Variants in ERG observed in about 807,000 individuals in gnomAD.
ERG encodes the protein transcriptional regulator ERG.
In ERG, 9 loss-of-function variants were observed where a neutral mutation model predicts 55.3. That is an observed-to-expected ratio of 0.16 (90% confidence interval 0.10 to 0.28). The LOEUF is 0.28. Among genes scored for constraint, ERG ranks in the 10% least tolerant of loss-of-function variants. The probability of loss-of-function intolerance (pLI) is 1.00; values close to 1 mark genes in which losing one functional copy is unlikely to be tolerated. For missense variants in ERG, 434 were observed against 631.6 expected (o/e 0.69, Z 3.35); for synonymous variants, 223 against 237.3 (o/e 0.94, Z 0.55).
chr21:38,453,678 T>C (rs531834454), intron 1 of ERG, among the ~76,000 whole-genome samples: 40 of 151,934 alleles, frequency 2.6e-4, no homozygotes, highest in South Asian at 1.0e-3. Flanking sequence ...AGGTCAGGAG[T>C]TGGAGAGCAG....
chr21:38,582,744 T>C (rs2060037882), intron 1 of ERG, among the ~76,000 whole-genome samples: 1 of 152,136 alleles, frequency 6.6e-6, no homozygotes, highest in African/African-American at 2.4e-5. Context: ...CTGTATAAAA[T>C]GTTGCAACTT....
At chr21:38,572,384 AAAG>A (rs2059964415) in intron 2 of ERG, among the ~76,000 whole-genome samples, 1 of 151,018 alleles carries the variant, frequency 6.6e-6, no homozygotes. Flanking sequence ...AAAAAAAAAA[AAAG>A]AACTTCCTTC....
intron 2 of ERG, among the ~76,000 whole-genome samples, chr21:38,523,248 T>A (rs2059607392): frequency 6.6e-6 from 1 of 152,224 alleles, no homozygotes; most frequent in Non-Finnish European, 1.5e-5. Context: ...GTTTTCTAAG[T>A]AGCCCCTGCC....
upstream of ERG, among the ~76,000 whole-genome samples, chr21:38,499,576 G>A (rs1027001301): frequency 4.6e-5 from 7 of 152,050 alleles, no homozygotes; most frequent in African/African-American, 1.7e-4. Context: ...TTGCAGAGCT[G>A]GACGTTCAGT....
chr21:38,516,101 C>T (rs899978037), intron 2 of ERG, among the ~76,000 whole-genome samples: 1 of 151,970 alleles, frequency 6.6e-6, no homozygotes, highest in Non-Finnish European at 1.5e-5. Flanking sequence ...TTTATCACTT[C>T]TATTCAATAT....
At chr21:38,411,542 A>T (rs909492798) in intron 3 of ERG, among the ~76,000 whole-genome samples, 1 of 152,154 alleles carries the variant, frequency 6.6e-6, no homozygotes, top group African/African-American at 2.4e-5. Context: ...TCCTGACCTT[A>T]GGTGATCCAC....
chr21:38,520,699 G>T (rs569217658), intron 2 of ERG, among the ~76,000 whole-genome samples: 1 of 152,294 alleles, frequency 6.6e-6, no homozygotes, highest in African/African-American at 2.4e-5. Context: ...GTTTCTGCAG[G>T]AAGACCTATC....
At chr21:38,598,790 A>T (rs2060146513) in intron 1 of ERG, among the ~76,000 whole-genome samples, 2 of 152,234 alleles carry the variant, frequency 1.3e-5, no homozygotes, top group South Asian at 4.1e-4. Flanking sequence ...TGGTTTCTGC[A>T]CAGTATAAAT....
intron 2 of ERG, among the ~76,000 whole-genome samples, chr21:38,427,489 C>T (rs1011826416): frequency 2.0e-5 from 3 of 152,174 alleles, no homozygotes; most frequent in African/African-American, 7.2e-5. Context: ...GCATTGTCTC[C>T]ACTTTCCAGA....
At position 38,592,571 on chromosome 21, in the gene ERG, C is replaced by CTGTGTGTG. The variant is rs56195027; in HGVS notation, c.-149-7634_-149-7627dup. ...GGCTGCTTATTGTCATCTCCCTTCACTGTGTGTGTGTGTGTGTGTGTGTGT... is the reference window on the plus strand; with the variant it reads ...GGCTGCTTATTGTCATCTCCCTTCACTGTGTGTGTGTGTGTGTGTGTGTGTGTGTGTGT... On this transcript the variant is annotated intron_variant, in intron 1 of 10. Transcript: ENST00000398910. Among the ~76,000 whole-genome samples, 1,151 of 148,080 alleles carry CTGTGTGTG rather than the reference C, an allele frequency of 7.8e-3. 5 individuals carry two copies. Among genetic ancestry groups the CTGTGTGTG allele is most frequent in the Non-Finnish European group, 0.01 (702 of 67,098 alleles).
At chr21:38,615,062 C>A (rs538611975) in intron 1 of ERG, among the ~76,000 whole-genome samples, 1 of 152,322 alleles carries the variant, frequency 6.6e-6, no homozygotes, top group African/African-American at 2.4e-5. Context: ...AACAACTGAT[C>A]TCATAATAAT....
chr21:38,421,317 T>G (rs1015018031), intron 3 of ERG, among the ~76,000 whole-genome samples: 3 of 152,206 alleles, frequency 2.0e-5, no homozygotes, highest in African/African-American at 7.2e-5. Context: ...TCTTAAAAAA[T>G]GCTTTGAAAT....
intron 1 of ERG, among the ~76,000 whole-genome samples, chr21:38,659,697 G>A (rs1331079483): frequency 6.6e-6 from 1 of 152,210 alleles, no homozygotes; most frequent in Non-Finnish European, 1.5e-5. Flanking sequence ...AAAGATAAAG[G>A]AAACTATCTT....
At chr21:38,397,956 G>A (rs1049351488) in intron 6 of ERG, among the ~76,000 whole-genome samples, 10 of 152,134 alleles carry the variant, frequency 6.6e-5, no homozygotes, top group African/African-American at 9.7e-5. Flanking sequence ...ACCAGAGTTC[G>A]GTTCCCTCGG....
At chr21:38,406,630 C>T (rs1315501979) in intron 3 of ERG, among the ~76,000 whole-genome samples, 1 of 151,998 alleles carries the variant, frequency 6.6e-6, no homozygotes. Context: ...TTTTGTTTTG[C>T]TTTGCTTTTA....
chr21:38,638,877 G>A (rs2060406661), intron 1 of ERG, among the ~76,000 whole-genome samples: 2 of 152,034 alleles, frequency 1.3e-5, no homozygotes, highest in African/African-American at 4.8e-5. Context: ...GTAATTTAGG[G>A]TTCCTCTCCA....
At chr21:38,523,825 A>G (rs2146754729) in intron 2 of ERG, among the ~76,000 whole-genome samples, 1 of 152,282 alleles carries the variant, frequency 6.6e-6, no homozygotes, top group African/African-American at 2.4e-5. Context: ...GGTACCCTGA[A>G]TGGGCTTCTC....
intron 2 of ERG, among the ~76,000 whole-genome samples, chr21:38,424,160 T>G (rs1989688845): frequency 7.0e-6 from 1 of 143,810 alleles, no homozygotes; most frequent in African/African-American, 2.7e-5. Context: ...AGTGCCCTTA[T>G]TAGAAAAGAA....
chr21:38,413,937 T>C (rs1292611652), intron 3 of ERG, among the ~76,000 whole-genome samples: 1 of 152,206 alleles, frequency 6.6e-6, no homozygotes, highest in Non-Finnish European at 1.5e-5. Flanking sequence ...TGCTCTCATG[T>C]TTGAACTATA....
Sources: allele counts gnomAD v4.1 joint callset (sites outside exome capture counted in the v4.1 genomes callset), GRCh38; gene constraint gnomAD v4.1.1; transcripts MANE v1.5; gene names NCBI Gene and HGNC (gene_info 2026-07-23, HGNC 2026-07-21).